Variants in SUCLG2 observed in about 807,000 individuals in gnomAD.
The protein encoded by SUCLG2 is succinate--CoA ligase [GDP-forming] subunit beta, mitochondrial.
SUCLG2 carries 42 observed loss-of-function variants against 47.9 expected under a neutral mutation model. The ratio of observed to expected loss-of-function variants is 0.88; its 90% CI spans 0.69 to 1.14. SUCLG2 has a LOEUF of 1.14. Among genes scored for constraint, SUCLG2 ranks in the 50% most tolerant of loss-of-function variants. SUCLG2 has a pLI of 0.00. For missense variants in SUCLG2, 571 were observed against 525.9 expected, an observed-to-expected ratio of 1.09 and a Z score of -0.84; for synonymous variants, 195 against 197.3, an observed-to-expected ratio of 0.99 and a Z score of 0.10.
intron 9 of SUCLG2, among the ~76,000 whole-genome samples, chr3:67,437,591 T>C (rs1703654578): frequency 6.6e-6 from 1 of 152,170 alleles, no homozygotes; most frequent in South Asian, 2.1e-4. Context: ...TATCAGTCTT[T>C]AACTTTTTTG....
At chr3:67,597,649 C>T (rs1708323280) in intron 2 of SUCLG2, among the ~76,000 whole-genome samples, 1 of 152,114 alleles carries the variant, frequency 6.6e-6, no homozygotes, top group Non-Finnish European at 1.5e-5. Context: ...ATTTAAAGCT[C>T]TCATCTTTGG....
chr3:67,621,747 T>C (rs7646094), intron 1 of SUCLG2, among the ~76,000 whole-genome samples: 84,436 of 151,992 alleles, frequency 0.56, 23,588 homozygotes, highest in Non-Finnish European at 0.57. Flanking sequence ...AGAGGTCTCA[T>C]CAGCAAGAAG....
rs115381566 is a variant in SUCLG2, at chr3:67,569,122, G to A, written c.227-39936C>T. ...AATTATCAAGCTTACCAAAGCTAAT[G>A]CATTAATTCTCTCATTTCATGATTC... On this transcript the variant is annotated intron_variant, in intron 2 of 10. Coordinates refer to ENST00000307227, the MANE Select transcript of SUCLG2 (RefSeq NM_003848.4). Among the ~76,000 whole-genome samples, 1,141 of 152,246 alleles carry A rather than the reference G, an allele frequency of 7.5e-3. 12 individuals carry two copies. The highest frequency in any genetic ancestry group is 0.036 in the East Asian group (184 of 5,180).
At chr3:67,646,742 GC>G (rs1701198240) in intron 1 of SUCLG2, among the ~76,000 whole-genome samples, 1 of 152,102 alleles carries the variant, frequency 6.6e-6, no homozygotes, top group Non-Finnish European at 1.5e-5. Flanking sequence ...TTAAACCCGG[GC>G]AGTCTGATTC....
Position 67,375,308 on chromosome 3 carries a change from T to C in SUCLG2, c.*436A>G. ...AATATGTTCAGTGTAATCTTATGCC[T>C]TTTTAGTAATTAATATATTAAATAT... On this transcript the variant is annotated 3_prime_UTR_variant, in exon 11 of 11. Coordinates refer to ENST00000307227, the MANE Select transcript of SUCLG2 (RefSeq NM_003848.4). 1.0e-6 allele frequency: 1 copy of C among 979,312 alleles called. No individual in the cohort carries two copies. Among genetic ancestry groups the C allele is most frequent in the Non-Finnish European group, 1.2e-6 (1 of 824,154 alleles). 60.7% of individuals were successfully genotyped at this position (979,312 alleles called of 1,614,324 possible). A position where few individuals can be genotyped will look rare whatever the true frequency, so the allele number is the denominator to read the frequency against.
chr3:67,575,769 A>G (rs1707726259), intron 2 of SUCLG2, among the ~76,000 whole-genome samples: 1 of 152,218 alleles, frequency 6.6e-6, no homozygotes, highest in Non-Finnish European at 1.5e-5. Flanking sequence ...GGTAGGAAGC[A>G]TGTGTTCTTG....
At chr3:67,384,851 A>T (rs1215439529) in intron 10 of SUCLG2, among the ~76,000 whole-genome samples, 1 of 152,236 alleles carries the variant, frequency 6.6e-6, no homozygotes, top group Non-Finnish European at 1.5e-5. Flanking sequence ...AGCACTGCTC[A>T]GGCAGCCACT....
intron 6 of SUCLG2, among the ~76,000 whole-genome samples, chr3:67,510,925 AGT>A (rs1705770178): frequency 7.3e-6 from 1 of 136,368 alleles, no homozygotes; most frequent in African/African-American, 2.8e-5. Flanking sequence ...CGAGACTTGC[AGT>A]GTTGCCAGCC....
chr3:67,592,749 A>C (rs948373604), intron 2 of SUCLG2, among the ~76,000 whole-genome samples: 21 of 149,512 alleles, frequency 1.4e-4, no homozygotes, highest in African/African-American at 4.0e-4. Context: ...ACAAAAAAAA[A>C]CTGAATATCA....
At chr3:67,459,179 C>T (rs1383090786) in intron 9 of SUCLG2, among the ~76,000 whole-genome samples, 2 of 152,186 alleles carry the variant, frequency 1.3e-5, no homozygotes, top group Non-Finnish European at 2.9e-5. Flanking sequence ...CACAGTTTTA[C>T]GTTTTCCTCA....
At chr3:67,562,051 T>C (rs1406431741) in intron 2 of SUCLG2, among the ~76,000 whole-genome samples, 2 of 152,080 alleles carry the variant, frequency 1.3e-5, no homozygotes, top group African/African-American at 4.8e-5. Flanking sequence ...CTTCTGCATT[T>C]TTGATGGGGG....
At chr3:67,524,936 T>G (rs1366724354) in intron 4 of SUCLG2, among the ~76,000 whole-genome samples, 1 of 152,086 alleles carries the variant, frequency 6.6e-6, no homozygotes, top group Non-Finnish European at 1.5e-5. Flanking sequence ...GCTCACATGG[T>G]TTCACTAGGG....
intron 1 of SUCLG2, among the ~76,000 whole-genome samples, chr3:67,644,602 T>A (rs1701160013): frequency 6.6e-6 from 1 of 151,930 alleles, no homozygotes. Context: ...AATGTCCGAG[T>A]ATGGTTAAAA....
At chr3:67,588,318 T>C (rs1708076894) in intron 2 of SUCLG2, among the ~76,000 whole-genome samples, 1 of 152,218 alleles carries the variant, frequency 6.6e-6, no homozygotes, top group African/African-American at 2.4e-5. Flanking sequence ...TGCTCCTAAA[T>C]TGAGGTACTC....
intron 2 of SUCLG2, among the ~76,000 whole-genome samples, chr3:67,570,661 C>T (rs1344344370): frequency 2.0e-5 from 3 of 152,182 alleles, no homozygotes; most frequent in African/African-American, 7.2e-5. Context: ...AAACTCTGGA[C>T]ACTGAGGCTC....
chr3:67,419,640 A>T (rs1703109284), intron 9 of SUCLG2, among the ~76,000 whole-genome samples: 1 of 152,118 alleles, frequency 6.6e-6, no homozygotes, highest in Admixed American at 6.6e-5. Flanking sequence ...ATCTATGTTG[A>T]TTTGACCCCC....
chr3:67,507,019 T>A (rs796441534), intron 7 of SUCLG2, among the ~76,000 whole-genome samples: 1 of 152,318 alleles, frequency 6.6e-6, no homozygotes, highest in South Asian at 2.1e-4. Context: ...ACAGTCACAA[T>A]GGTTTCTCAA....
chr3:67,395,763 A>G (rs1306939606), intron 10 of SUCLG2, among the ~76,000 whole-genome samples: 8 of 152,180 alleles, frequency 5.3e-5, no homozygotes, highest in Non-Finnish European at 1.0e-4. Context: ...TTGAACACAT[A>G]GTTGGAAGTA....
At chr3:67,485,377 T>A (rs1249933755) in intron 9 of SUCLG2, among the ~76,000 whole-genome samples, 14 of 152,216 alleles carry the variant, frequency 9.2e-5, no homozygotes. Flanking sequence ...TCTTCATACT[T>A]GTTACTATTA....
Sources: allele counts gnomAD v4.1 joint callset (sites outside exome capture counted in the v4.1 genomes callset), GRCh38; gene constraint gnomAD v4.1.1; transcripts MANE v1.5; gene names NCBI Gene and HGNC (gene_info 2026-07-23, HGNC 2026-07-21).